PIBF1: variants seen among roughly 807,000 people sequenced by gnomAD.
PIBF1 encodes the protein progesterone-induced-blocking factor 1.
PIBF1 carries 90 observed loss-of-function variants against 112.5 expected under a neutral mutation model. That is an observed-to-expected ratio of 0.80 (90% confidence interval 0.67 to 0.95). The LOEUF (loss-of-function observed/expected upper bound fraction) is 0.95, where lower values mean the gene tolerates loss of function less well. Among genes scored for constraint, PIBF1 ranks in the 40% least tolerant of loss-of-function variants. The pLI, the probability that PIBF1 is intolerant of heterozygous loss-of-function variation, is 0.00. For synonymous variants in PIBF1, 301 were observed against 288.6 expected (o/e 1.04, Z -0.44); for missense variants, 915 against 852.3 (o/e 1.07, Z -0.92).
In PIBF1 at chr13:72,854,146, T is replaced by G. The variant is rs1171145469; in HGVS notation, c.1313T>G (p.Leu438Arg). Residue 438 changes from leucine to arginine, a missense_variant, in exon 10 of 18, where the codon CTC (leucine) becomes CGC (arginine). Coordinates refer to ENST00000326291, the MANE Select transcript of PIBF1 (RefSeq NM_006346.4). ...GATGCTTTAGAAAAACACGATCAGC[T>G]CTTAGACAGGTAAGCATCATAAAAA... ...EKDALEKHDQ[L>R]LDRYRELQLS... is the part of the protein sequence containing the mutation. 2.5e-6 allele frequency: 4 copies of G among 1,597,140 alleles called. No homozygotes were observed. Among genetic ancestry groups the G allele is most frequent in the Non-Finnish European group, 3.4e-6 (4 of 1,164,736 alleles).
chr13:72,864,161 C>T (rs75225408), intron 10 of PIBF1, among the ~76,000 whole-genome samples: 2,118 of 152,242 alleles, frequency 0.014, 64 homozygotes, highest in African/African-American at 0.048. Context: ...GTTACAATTA[C>T]GGATATATAT....
intron 4 of PIBF1, 35 bp from the exon 5 acceptor site, chr13:72,797,872 A>G (rs2137979831): frequency 1.3e-6 from 2 of 1,528,404 alleles, no homozygotes. Flanking sequence ...TGTAATTTGG[A>G]TTTAAGACTG....
intron 4 of PIBF1, among the ~76,000 whole-genome samples, chr13:72,797,692 AAAGGT>A (rs1189343426): frequency 6.6e-6 from 1 of 152,184 alleles, no homozygotes; most frequent in Non-Finnish European, 1.5e-5. Context: ...AAATACTGTC[AAAGGT>A]AAGAGGTTAT....
At chr13:72,815,548 C>A (rs1472744295) in intron 5 of PIBF1, among the ~76,000 whole-genome samples, 1 of 152,154 alleles carries the variant, frequency 6.6e-6, no homozygotes, top group Admixed American at 6.5e-5. Context: ...ACATATTAAT[C>A]AAATGTAGTT....
At chr13:72,839,671 A>G (rs1049543524) in intron 9 of PIBF1, among the ~76,000 whole-genome samples, 3 of 152,234 alleles carry the variant, frequency 2.0e-5, no homozygotes, top group Non-Finnish European at 2.9e-5. Context: ...CCACATAGCC[A>G]TATAAACTTT....
chr13:72,797,003 C>T (rs1398019438), intron 4 of PIBF1, among the ~76,000 whole-genome samples: 4 of 152,100 alleles, frequency 2.6e-5, no homozygotes, highest in African/African-American at 9.7e-5. Context: ...ATTACTCTCT[C>T]CTAATTTGCT....
chr13:72,854,092 A>C lies in PIBF1; in HGVS notation c.1259A>C (p.Glu420Ala). ...GAAGCAAGGGATAATGCTGTGGCTG[A>C]AAAGGAACGAGCAGTGATGGCTGAA... ...LREARDNAVA[E>A]KERAVMAEKD... The change falls in exon 10 of 18, where the codon GAA becomes GCA. Residue 420 changes from glutamate (E) to alanine (A), a missense_variant. Coordinates refer to ENST00000326291, the MANE Select transcript of PIBF1 (RefSeq NM_006346.4). The C allele has an allele frequency of 6.2e-7, 1 of 1,612,860 alleles. No individual in the cohort carries two copies. Among genetic ancestry groups the C allele is most frequent in the Non-Finnish European group, 8.5e-7 (1 of 1,178,912 alleles).
At chr13:72,858,805 A>C (rs549857118) in intron 10 of PIBF1, among the ~76,000 whole-genome samples, 1 of 152,324 alleles carries the variant, frequency 6.6e-6, no homozygotes, top group African/African-American at 2.4e-5. Flanking sequence ...TTCAGAAATT[A>C]TGTTTTTAAT....
chr13:72,876,508 A>G (rs1566392721), intron 10 of PIBF1, among the ~76,000 whole-genome samples: 1 of 152,170 alleles, frequency 6.6e-6, no homozygotes, highest in Non-Finnish European at 1.5e-5. Context: ...CGTTGAATCT[A>G]TAAATCAATC....
At chr13:72,833,786 G>A (rs1471073633) in intron 8 of PIBF1, among the ~76,000 whole-genome samples, 5 of 152,202 alleles carry the variant, frequency 3.3e-5, no homozygotes, top group Non-Finnish European at 5.9e-5. Context: ...TGTGCTGGGA[G>A]ACCCACTGCT....
chr13:72,865,580 T>C (rs1330454621), intron 10 of PIBF1, among the ~76,000 whole-genome samples: 2 of 149,930 alleles, frequency 1.3e-5, no homozygotes, highest in African/African-American at 4.8e-5. Flanking sequence ...TTTAACACTT[T>C]AAAAGTTCAT....
At chr13:72,789,696 C>T (rs1199336780) in intron 2 of PIBF1, among the ~76,000 whole-genome samples, 1 of 151,358 alleles carries the variant, frequency 6.6e-6, no homozygotes, top group East Asian at 1.9e-4. Flanking sequence ...ATCTAAAATG[C>T]TTGGGACCAG....
chr13:72,915,697 G>A (rs569469016), intron 12 of PIBF1, among the ~76,000 whole-genome samples: 1 of 152,118 alleles, frequency 6.6e-6, no homozygotes, highest in Non-Finnish European at 1.5e-5. Context: ...ATTGGTAATG[G>A]CATGTATCAT....
intron 5 of PIBF1, among the ~76,000 whole-genome samples, chr13:72,805,998 T>TTCAAA (rs2035710717): frequency 2.0e-5 from 3 of 152,234 alleles, no homozygotes; most frequent in Non-Finnish European, 4.4e-5. Flanking sequence ...TATATAGACT[T>TTCAAA]TCAAAAAGCC....
At chr13:72,811,070 CA>C (rs2035986436) in intron 5 of PIBF1, among the ~76,000 whole-genome samples, 1 of 152,146 alleles carries the variant, frequency 6.6e-6, no homozygotes, top group African/African-American at 2.4e-5. Context: ...CTGTGTTAGC[CA>C]GGATGGTCTT....
chr13:72,868,519 C>T (rs887348953), intron 10 of PIBF1, among the ~76,000 whole-genome samples: 18 of 152,016 alleles, frequency 1.2e-4, no homozygotes, highest in African/African-American at 4.4e-4. Flanking sequence ...TGATAAATAA[C>T]CTGTCATTTA....
intron 9 of PIBF1, among the ~76,000 whole-genome samples, chr13:72,840,000 ATGTATACTGAG>A (rs2037535437): frequency 6.6e-6 from 1 of 152,100 alleles, no homozygotes; most frequent in South Asian, 2.1e-4. Context: ...AATTGATTGG[ATGTATACTGAG>A]GCTAGAGTGG....
At position 72,962,744 on chromosome 13, in the gene PIBF1, A is replaced by T. The variant is rs894154426; in HGVS notation, c.1834-2530A>T. On this transcript the variant is annotated intron_variant, in intron 14 of 17. Coordinates refer to ENST00000326291, the MANE Select transcript of PIBF1 (RefSeq NM_006346.4). ...CAAATTAGATTCAGTCCCTGTCAAA[A>T]TCCCAATGGCATTTTTTACAGAAAT... Among the ~76,000 whole-genome samples the T allele has an allele frequency of 2.0e-5, 3 of 152,210 alleles. No individual in the cohort carries two copies. In the East Asian group the frequency reaches 5.8e-4, roughly 29 times the overall value.
Position 72,850,557 on chromosome 13 carries a change from T to C in PIBF1, c.1224-3500T>C, listed in dbSNP as rs146136469. ...CAAGAAAGGAAATGTTATTAGGGAC[T>C]GAAGCTTCTCCATCTACCAATTGAG... is the stretch of plus-strand genomic sequence containing the variant. On this transcript the variant is annotated intron_variant, in intron 9 of 17. Coordinates refer to ENST00000326291, the MANE Select transcript of PIBF1 (RefSeq NM_006346.4). Among the ~76,000 whole-genome samples the C allele has an allele frequency of 7.6e-3, 1,160 of 152,368 alleles. 14 individuals carry two copies. The highest frequency in any genetic ancestry group is 0.014 in the Middle Eastern group (4 of 294).
Sources: allele counts gnomAD v4.1 joint callset (sites outside exome capture counted in the v4.1 genomes callset), GRCh38; gene constraint gnomAD v4.1.1; transcripts MANE v1.5; gene names NCBI Gene and HGNC (gene_info 2026-07-23, HGNC 2026-07-21).